CAMTA1: variants seen among roughly 807,000 people sequenced by gnomAD.
CAMTA1 encodes the protein calmodulin-binding transcription activator 1.
Under a neutral mutation model 170.9 loss-of-function variants are expected in CAMTA1, and 27 were observed. The observed-to-expected ratio is 0.16, with a 90% CI of 0.12 to 0.22. The LOEUF is 0.22. Among genes scored for constraint, CAMTA1 ranks in the 10% least tolerant of loss-of-function variants. The pLI is 1.00. For missense variants in CAMTA1, 1,619 were observed against 2,217.2 expected (o/e 0.73, Z 5.42); for synonymous variants, 833 against 891.5 (o/e 0.93, Z 1.17).
At chr1:7,140,148 C>G (rs1224519442) in intron 4 of CAMTA1, among the ~76,000 whole-genome samples, 3 of 152,148 alleles carry the variant, frequency 2.0e-5, no homozygotes, top group Non-Finnish European at 2.9e-5. Context: ...TAGGTGGTAG[C>G]AGAGCCAGGA....
intron 4 of CAMTA1, among the ~76,000 whole-genome samples, chr1:7,225,091 C>CTT (rs58965156): frequency 2.7e-5 from 4 of 147,022 alleles, no homozygotes; most frequent in South Asian, 4.3e-4. Flanking sequence ...TGGCAGATCT[C>CTT]TTTTTTTTTT....
intron 9 of CAMTA1, among the ~76,000 whole-genome samples, chr1:7,669,350 C>T (rs892888869): frequency 6.6e-6 from 1 of 152,246 alleles, no homozygotes; most frequent in African/African-American, 2.4e-5. Flanking sequence ...CCTGGAAACA[C>T]TCACTCCTGC....
rs1397771646 is a variant in CAMTA1 at position 7,635,688 on chromosome 1, CAT to C, written c.511-4711_511-4710del. ...CTCTCAGATCCAGGCCCAACCCGGG[CAT>C]TCCTGCAGGCCGCCCTGCTGAGCTG... On this transcript the variant is annotated intron_variant, in intron 6 of 22. Coordinates refer to ENST00000303635, the MANE Select transcript of CAMTA1 (RefSeq NM_015215.4). This position sits in a 1 kb window ranked among gnomAD's most constrained non-coding sequence, Gnocchi z 4.4. Among the ~76,000 whole-genome samples the C allele has an allele frequency of 6.6e-5, 10 of 152,106 alleles. No homozygotes were observed. The highest frequency in any genetic ancestry group is 2.2e-4 in the African/African-American group (9 of 41,476).
In CAMTA1 at chr1:7,594,158, G is replaced by A. The variant is rs539856557; in HGVS notation, c.511-46242G>A. Among the ~76,000 whole-genome samples the A allele has an allele frequency of 2.1e-3, 274 of 130,068 alleles. 2 individuals carry two copies. The highest frequency in any genetic ancestry group is 3.9e-3 in the Middle Eastern group (1 of 256). The allele number at this position is 130,068 out of a possible 152,430, so 85.3% of individuals were successfully genotyped here. On this transcript the variant is annotated intron_variant, in intron 6 of 22. Coordinates refer to ENST00000303635, the MANE Select transcript of CAMTA1 (RefSeq NM_015215.4). Reference sequence around the variant, plus strand: ...AAGAAAGAAGGAAGGAAGGAAAGAAGGAAGGAGAAAGGAAAGAAAGAAAAG... The same window carrying A: ...AAGAAAGAAGGAAGGAAGGAAAGAAAGAAGGAGAAAGGAAAGAAAGAAAAG...
At chr1:7,165,720 C>T (rs1240096469) in intron 4 of CAMTA1, among the ~76,000 whole-genome samples, 1 of 152,220 alleles carries the variant, frequency 6.6e-6, no homozygotes, top group African/African-American at 2.4e-5. Flanking sequence ...GCGTGAGCCA[C>T]CACGCCTGGC....
At chr1:7,756,434 C>G (rs887903847) in intron 22 of CAMTA1, among the ~76,000 whole-genome samples, 2 of 152,064 alleles carry the variant, frequency 1.3e-5, no homozygotes, top group African/African-American at 2.4e-5. Context: ...AATTTTAGTT[C>G]CTGAGATTTT....
chr1:7,385,992 A>G (rs895986857), intron 5 of CAMTA1, among the ~76,000 whole-genome samples: 1 of 152,000 alleles, frequency 6.6e-6, no homozygotes, highest in African/African-American at 2.4e-5. Flanking sequence ...CCCCCATGCT[A>G]AGGGTGCTGC....
chr1:7,450,976 C>T (rs533554886), intron 5 of CAMTA1, among the ~76,000 whole-genome samples: 3 of 152,258 alleles, frequency 2.0e-5, no homozygotes, highest in Non-Finnish European at 4.4e-5. Flanking sequence ...GGGAGGTCGG[C>T]GAAGGTGTTA....
At chr1:7,668,772 T>C (rs2096027008) in intron 9 of CAMTA1, among the ~76,000 whole-genome samples, 1 of 152,168 alleles carries the variant, frequency 6.6e-6, no homozygotes, top group African/African-American at 2.4e-5. Flanking sequence ...CTGCAGTTCT[T>C]TGTTCCCGGC....
rs1241961383 is a variant in CAMTA1, at chr1:7,738,624, A to G, written c.4182+142A>G. 1.1e-6 allele frequency: 1 copy of G among 886,626 alleles called. No homozygotes were observed. Among genetic ancestry groups the G allele is most frequent in the South Asian group, 1.8e-5 (1 of 55,570 alleles). 54.9% of individuals were successfully genotyped at this position (886,626 alleles called of 1,614,324 possible). On this transcript the variant is annotated intron_variant, in intron 16 of 22. Coordinates refer to ENST00000303635, the MANE Select transcript of CAMTA1 (RefSeq NM_015215.4). This position sits in a 1 kb window ranked among gnomAD's most constrained non-coding sequence, Gnocchi z 4.9. ...GCTTTGTGCAGAACATCGTTGGAGT[A>G]TCTTCTTTCCTTGGGGCCACATTTT... is the stretch of plus-strand genomic sequence containing the variant.
chr1:7,329,668 T>A (rs1466576026), intron 5 of CAMTA1, among the ~76,000 whole-genome samples: 1 of 152,112 alleles, frequency 6.6e-6, no homozygotes, highest in African/African-American at 2.4e-5. Context: ...ACCCTACGTG[T>A]GTGATGGTAT....
chr1:7,578,007 A>G (rs1296813173), intron 6 of CAMTA1, among the ~76,000 whole-genome samples: 2 of 152,204 alleles, frequency 1.3e-5, no homozygotes, highest in African/African-American at 4.8e-5. Context: ...ACTGGGTACA[A>G]CAAAGGTTGA....
intron 5 of CAMTA1, among the ~76,000 whole-genome samples, chr1:7,319,664 T>C (rs191496507): frequency 6.6e-6 from 1 of 152,302 alleles, no homozygotes. Context: ...GATATAATCA[T>C]TCATTCATTC....
chr1:7,330,326 C>T (rs934934431), intron 5 of CAMTA1, among the ~76,000 whole-genome samples: 3 of 152,194 alleles, frequency 2.0e-5, no homozygotes, highest in African/African-American at 4.8e-5. Flanking sequence ...GGATTCAGCC[C>T]GCTCTTGTTT....
rs1022857046 is a variant in CAMTA1 at position 6,887,707 on chromosome 1, C to G, written c.234+62497C>G. 8 of 1,535,222 alleles carry G rather than the reference C, an allele frequency of 5.2e-6. No homozygotes were observed. In the African/African-American group the frequency reaches 9.6e-5, roughly 18 times the overall value. On this transcript the variant is annotated intron_variant, in intron 3 of 22. Transcript: ENST00000303635. The surrounding 1 kb of genome is among the most constrained non-coding windows in gnomAD (Gnocchi z 4.1). The stretch of plus-strand genomic sequence containing the variant: ...CAGCAAAGAAGAGGGATCCACAGAG[C>G]TGGAGCCATGAGGGCTGACACATTG...
At chr1:7,180,370 A>T (rs1344606151) in intron 4 of CAMTA1, among the ~76,000 whole-genome samples, 1 of 150,050 alleles carries the variant, frequency 6.7e-6, no homozygotes, top group African/African-American at 2.5e-5. Flanking sequence ...AAAAAAAAAA[A>T]TTATGAGATT....
At chr1:7,521,474 G>T (rs2094364680) in intron 6 of CAMTA1, among the ~76,000 whole-genome samples, 1 of 152,056 alleles carries the variant, frequency 6.6e-6, no homozygotes, top group African/African-American at 2.4e-5. Flanking sequence ...GTGTGTGTGT[G>T]TGTGTGTGTT....
In CAMTA1 at chr1:7,577,729, G is replaced by T. The variant is rs2095214218; in HGVS notation, c.511-62671G>T. Among the ~76,000 whole-genome samples, 3 of 152,156 alleles carry T rather than the reference G, an allele frequency of 2.0e-5. No homozygotes were observed. The South Asian group carries it at 6.2e-4, about 32-fold the overall frequency. ...CAATTTTTTCTTAAATGGTCAGATA[G>T]TATATTCTGCTTTGTGGTCTCTGTT... is the stretch of plus-strand genomic sequence containing the variant. On this transcript the variant is annotated intron_variant, in intron 6 of 22. Coordinates refer to ENST00000303635, the MANE Select transcript of CAMTA1 (RefSeq NM_015215.4).
chr1:7,148,530 G>A (rs1646378708), intron 4 of CAMTA1, among the ~76,000 whole-genome samples: 1 of 151,990 alleles, frequency 6.6e-6, no homozygotes, highest in Non-Finnish European at 1.5e-5. Flanking sequence ...CTGCTGACTT[G>A]CCACCGGGGT....
Sources: allele counts gnomAD v4.1 joint callset (sites outside exome capture counted in the v4.1 genomes callset), GRCh38; gene constraint gnomAD v4.1.1; non-coding constraint Gnocchi (gnomAD v3.1); transcripts MANE v1.5; gene names NCBI Gene and HGNC (gene_info 2026-07-23, HGNC 2026-07-21).